Variants in RGS6 observed in about 807,000 individuals in gnomAD.
The protein encoded by RGS6 is regulator of G-protein signaling 6.
A neutral mutation model predicts 78.5 loss-of-function variants in RGS6; 30 were observed. The ratio of observed to expected loss-of-function variants is 0.38; its 90% CI spans 0.29 to 0.52. RGS6 has a LOEUF of 0.52. RGS6 is among the 20% of genes least tolerant of loss of function. The pLI is 0.85. For missense variants in RGS6, 495 were observed against 609.7 expected, an observed-to-expected ratio of 0.81 and a Z score of 1.98; for synonymous variants, 206 against 206.0, an observed-to-expected ratio of 1.00 and a Z score of 0.00.
At chr14:72,446,620 T>G (rs2095370362) in intron 3 of RGS6, among the ~76,000 whole-genome samples, 1 of 152,188 alleles carries the variant, frequency 6.6e-6, no homozygotes, top group African/African-American at 2.4e-5. Flanking sequence ...GTGCATTACA[T>G]TTATTGTGTA....
chr14:72,190,571 C>G (rs2097310428), intron 2 of RGS6, among the ~76,000 whole-genome samples: 1 of 152,208 alleles, frequency 6.6e-6, no homozygotes, highest in African/African-American at 2.4e-5. Flanking sequence ...GACCCTCACC[C>G]TCAACAGGCT....
intron 2 of RGS6, among the ~76,000 whole-genome samples, chr14:72,261,116 A>G (rs746083551): frequency 6.6e-6 from 1 of 152,172 alleles, no homozygotes; most frequent in Non-Finnish European, 1.5e-5. Context: ...CTTGGAATAG[A>G]GGGTCCATGT....
chr14:72,145,642 C>A (rs2096598051), intron 2 of RGS6, among the ~76,000 whole-genome samples: 1 of 152,124 alleles, frequency 6.6e-6, no homozygotes, highest in African/African-American at 2.4e-5. Context: ...CCACACTGGG[C>A]TAATTTTTTT....
intron 2 of RGS6, among the ~76,000 whole-genome samples, chr14:71,967,415 C>A (rs1198000087): frequency 1.3e-5 from 2 of 152,054 alleles, no homozygotes; most frequent in African/African-American, 2.4e-5. Flanking sequence ...TGTAGGCTGC[C>A]TTTTGGCTAC....
At chr14:72,211,771 C>T (rs977296138) in intron 2 of RGS6, among the ~76,000 whole-genome samples, 5 of 152,152 alleles carry the variant, frequency 3.3e-5, no homozygotes, top group African/African-American at 1.2e-4. Context: ...CCATGTCCAG[C>T]CCAGAGGAAA....
At chr14:71,880,657 T>C in the RGS6 span, among the ~76,000 whole-genome samples, 4 of 152,238 alleles carry the variant, frequency 2.6e-5, no homozygotes, top group Non-Finnish European at 1.5e-5. Flanking sequence ...AAGTCAAGAA[T>C]TGAGGTTTGG....
chr14:72,575,963 G>A, the RGS6 span, among the ~76,000 whole-genome samples: 19 of 152,200 alleles, frequency 1.2e-4, no homozygotes, highest in Non-Finnish European at 2.2e-4. Context: ...CTTCTCAGAC[G>A]GCCAGAGCCA....
At chr14:72,033,552 C>T (rs940695547) in intron 2 of RGS6, among the ~76,000 whole-genome samples, 4 of 152,118 alleles carry the variant, frequency 2.6e-5, no homozygotes, top group African/African-American at 9.7e-5. Context: ...TGGTTATTTA[C>T]CCTCATGATC....
upstream of RGS6, among the ~76,000 whole-genome samples, chr14:71,930,397 C>T (rs1227734177): frequency 2.0e-5 from 3 of 151,950 alleles, no homozygotes; most frequent in Non-Finnish European, 4.4e-5. Context: ...CTATTACATA[C>T]ATATATATAT....
chr14:71,988,507 A>G (rs1235425217), intron 2 of RGS6, among the ~76,000 whole-genome samples: 1 of 152,192 alleles, frequency 6.6e-6, no homozygotes, highest in Non-Finnish European at 1.5e-5. Context: ...GTATCTGTAT[A>G]TCAAGTTTTA....
At chr14:72,256,445 T>C (rs2108468) in intron 2 of RGS6, among the ~76,000 whole-genome samples, 1 of 152,106 alleles carries the variant, frequency 6.6e-6, no homozygotes, top group Non-Finnish European at 1.5e-5. Context: ...TTACCAATCA[T>C]GTGACCTCTG....
intron 2 of RGS6, among the ~76,000 whole-genome samples, chr14:72,195,534 G>C (rs1033911662): frequency 3.2e-4 from 49 of 152,170 alleles, no homozygotes; most frequent in Non-Finnish European, 3.4e-4. Flanking sequence ...GAAGAAAAGA[G>C]GAATTAGCAA....
In RGS6 at chr14:72,234,627, G is replaced by A. The variant is rs531893681; in HGVS notation, c.85-117468G>A. 2.6e-5 allele frequency among the ~76,000 whole-genome samples: 4 copies of A among 152,144 alleles called. No homozygotes were observed. The East Asian group carries it at 7.8e-4, about 30-fold the overall frequency. ...CCAGTGCCACCCTGCCTGCTGTAGG[G>A]CTGGATGGTAAGGTTACCTCACAGT... is the stretch of plus-strand genomic sequence containing the variant. On this transcript the variant is annotated intron_variant, in intron 2 of 17. Coordinates refer to ENST00000553525, the MANE Select transcript of RGS6 (RefSeq NM_001204424.2).
chr14:72,423,057 C>T (rs1692338729), intron 3 of RGS6, among the ~76,000 whole-genome samples: 1 of 152,124 alleles, frequency 6.6e-6, no homozygotes, highest in South Asian at 2.1e-4. Context: ...AAGGGCCTGA[C>T]AGGTGGCCAC....
chr14:71,942,169 G>T (rs1200376991), intron 1 of RGS6, among the ~76,000 whole-genome samples: 1 of 152,068 alleles, frequency 6.6e-6, no homozygotes, highest in East Asian at 1.9e-4. Context: ...ACTTCAAACT[G>T]CAAAGAAAGC....
At chr14:72,448,906 T>C (rs541875079) in intron 3 of RGS6, among the ~76,000 whole-genome samples, 90 of 152,340 alleles carry the variant, frequency 5.9e-4, no homozygotes, top group African/African-American at 2.1e-3. Flanking sequence ...ATCTTTAAAA[T>C]GGATATAATA....
At chr14:72,142,755 C>G (rs2096557621) in intron 2 of RGS6, among the ~76,000 whole-genome samples, 4 of 152,122 alleles carry the variant, frequency 2.6e-5, no homozygotes, top group Admixed American at 1.3e-4. Flanking sequence ...AAGGATGGTT[C>G]CATTCCTTTC....
rs2153444945 is a variant in RGS6 at position 72,509,262 on chromosome 14, G to A, written c.966-892G>A. Among the ~76,000 whole-genome samples, 2 of 152,146 alleles carry A rather than the reference G, an allele frequency of 1.3e-5. 1 individual carries two copies. The highest frequency in any genetic ancestry group is 4.2e-4 in the South Asian group (2 of 4,810). On this transcript the variant is annotated intron_variant, in intron 13 of 17. Transcript: ENST00000553525. ...CACCTGTAGTCCCCGCTATTCGGGA[G>A]GCTGAGGCAGGAGCATTGCTTGAAC...
At chr14:72,192,699 AAAAT>A (rs1214559262) in intron 2 of RGS6, among the ~76,000 whole-genome samples, 3 of 152,250 alleles carry the variant, frequency 2.0e-5, no homozygotes, top group Non-Finnish European at 4.4e-5. Flanking sequence ...AAAAGGCAAT[AAAAT>A]AAATAAAGGC....
Sources: gnomAD v4.1 joint callset for allele counts (sites outside exome capture counted in the v4.1 genomes callset) on GRCh38, gnomAD v4.1.1 for gene constraint, MANE v1.5 for transcripts, NCBI Gene and HGNC (gene_info 2026-07-23, HGNC 2026-07-21) for gene names.